OSBPL10: variants seen among roughly 807,000 people sequenced by gnomAD.
OSBPL10 encodes the protein oxysterol-binding protein-related protein 10.
A neutral mutation model predicts 81.7 loss-of-function variants in OSBPL10; 49 were observed. That is an observed-to-expected ratio of 0.60 (90% CI 0.48 to 0.76). OSBPL10 has a LOEUF of 0.76. Among genes scored for constraint, OSBPL10 ranks in the 30% least tolerant of loss-of-function variants. The probability of loss-of-function intolerance (pLI) is 0.00; values close to 1 mark genes in which losing one functional copy is unlikely to be tolerated. For missense variants in OSBPL10, 923 were observed against 987.8 expected (o/e 0.93, Z 0.88); for synonymous variants, 419 against 383.6 (o/e 1.09, Z -1.08).
At chr3:31,709,719 C>A (rs1696192760) in intron 6 of OSBPL10, among the ~76,000 whole-genome samples, 1 of 152,184 alleles carries the variant, frequency 6.6e-6, no homozygotes, top group African/African-American at 2.4e-5. Flanking sequence ...TGAATACCAA[C>A]TGCCAGCGTG....
intron 4 of OSBPL10, among the ~76,000 whole-genome samples, chr3:31,781,450 A>G (rs982898965): frequency 2.6e-5 from 4 of 152,186 alleles, no homozygotes; most frequent in Non-Finnish European, 4.4e-5. Flanking sequence ...ACAGTACTGG[A>G]AGTCCTAGCC....
intron 4 of OSBPL10, among the ~76,000 whole-genome samples, chr3:31,792,718 A>C (rs1699050628): frequency 1.4e-5 from 2 of 138,622 alleles, no homozygotes; most frequent in Middle Eastern, 8.0e-3. Flanking sequence ...TGTGTTTTAC[A>C]CTCTCAGCTA....
intron 1 of OSBPL10, among the ~76,000 whole-genome samples, chr3:31,967,929 T>C (rs1361331789): frequency 3.3e-5 from 5 of 152,224 alleles, no homozygotes; most frequent in African/African-American, 4.8e-5. Context: ...CTCTATTCGG[T>C]GATTAAGTAT....
intron 4 of OSBPL10, among the ~76,000 whole-genome samples, chr3:31,765,020 TTTC>T (rs1698153813): frequency 1.3e-5 from 2 of 152,054 alleles, no homozygotes; most frequent in South Asian, 4.1e-4. Flanking sequence ...AACTACTTTT[TTTC>T]TTTTTTTTTC....
chr3:31,728,808 T>C (rs1462479630), intron 6 of OSBPL10, among the ~76,000 whole-genome samples: 1 of 152,178 alleles, frequency 6.6e-6, no homozygotes, highest in Non-Finnish European at 1.5e-5. Flanking sequence ...ACAGGTTGAG[T>C]ATCCCTCACC....
intron 3 of OSBPL10, among the ~76,000 whole-genome samples, chr3:31,853,204 T>C (rs185558765): frequency 8.5e-5 from 13 of 152,284 alleles, no homozygotes; most frequent in Non-Finnish European, 1.3e-4. Context: ...CAGCAACCTT[T>C]TCTAGTTCCT....
intron 4 of OSBPL10, among the ~76,000 whole-genome samples, chr3:31,776,776 G>A (rs1223299339): frequency 6.6e-6 from 1 of 152,132 alleles, no homozygotes; most frequent in Non-Finnish European, 1.5e-5. Context: ...GTTGCCCAGG[G>A]CTGGGGGGAG....
chr3:31,708,635 G>A (rs1369623917), intron 6 of OSBPL10: 5 of 824,254 alleles, frequency 6.1e-6, no homozygotes, highest in Non-Finnish European at 7.3e-6. Context: ...TACATGCTTG[G>A]AAAAAGTATC....
At chr3:31,749,139 CCTA>C (rs1697631875) in intron 4 of OSBPL10, among the ~76,000 whole-genome samples, 2 of 152,180 alleles carry the variant, frequency 1.3e-5, no homozygotes, top group Admixed American at 6.5e-5. Context: ...AGTAACATCT[CCTA>C]CTTTGTCACT....
At chr3:32,021,375 G>T (rs1396312159) in intron 2 of OSBPL10, among the ~76,000 whole-genome samples, 1 of 152,152 alleles carries the variant, frequency 6.6e-6, no homozygotes, top group African/African-American at 2.4e-5. Context: ...TATATTCCTA[G>T]AACTGGAATT....
intron 1 of OSBPL10, among the ~76,000 whole-genome samples, chr3:31,889,087 A>G (rs544465379): frequency 2.6e-4 from 40 of 152,342 alleles, no homozygotes; most frequent in African/African-American, 9.6e-4. Flanking sequence ...ATGCAAATCA[A>G]AATCACAATG....
intron 4 of OSBPL10, among the ~76,000 whole-genome samples, chr3:31,773,078 A>T (rs1366283139): frequency 6.6e-6 from 1 of 152,130 alleles, no homozygotes; most frequent in Admixed American, 6.5e-5. Flanking sequence ...AAATAAATAA[A>T]TAAAAAGTCA....
At chr3:31,843,478 G>A (rs185674319) in intron 3 of OSBPL10, among the ~76,000 whole-genome samples, 4 of 152,206 alleles carry the variant, frequency 2.6e-5, no homozygotes, top group African/African-American at 4.8e-5. Flanking sequence ...CTACTCTTCC[G>A]GGATGACATT....
chr3:31,845,130 AT>A (rs34735182), intron 3 of OSBPL10, among the ~76,000 whole-genome samples: 61,132 of 151,466 alleles, frequency 0.4, 13,018 homozygotes, highest in Admixed American at 0.54. Context: ...TTTCATATCA[AT>A]TTTTTTTTAA....
At chr3:31,994,491 AGGATGGATGGATGGATGGATGGATGGAT>A (rs200832488) in intron 2 of OSBPL10, among the ~76,000 whole-genome samples, 2 of 149,648 alleles carry the variant, frequency 1.3e-5, no homozygotes, top group Admixed American at 1.3e-4. Context: ...AGGGAAAAAA[AGGATGGATGGATGGATGGATGGATGGAT>A]GGATGGATGG....
At chr3:31,846,482 C>T (rs987588981) in intron 3 of OSBPL10, among the ~76,000 whole-genome samples, 6 of 151,874 alleles carry the variant, frequency 4.0e-5, no homozygotes, top group African/African-American at 9.7e-5. Context: ...AAAAATTAGC[C>T]GGGCCTGGTG....
chr3:31,716,564 G>C (rs1696444137), intron 6 of OSBPL10, among the ~76,000 whole-genome samples: 1 of 152,186 alleles, frequency 6.6e-6, no homozygotes, highest in Admixed American at 6.5e-5. Flanking sequence ...AGGTGTGATA[G>C]GGGCCTGGCT....
At chr3:31,794,009 G>A (rs1271228014) in intron 4 of OSBPL10, among the ~76,000 whole-genome samples, 3 of 152,232 alleles carry the variant, frequency 2.0e-5, no homozygotes, top group South Asian at 2.1e-4. Context: ...TTTGTGGTTT[G>A]AGAGGCCCCA....
intron 1 of OSBPL10, chr3:32,046,681 C>T (rs1338632564): frequency 6.6e-6 from 1 of 152,222 alleles, no homozygotes; most frequent in Admixed American, 6.5e-5. Context: ...AGCCAACCAA[C>T]CACCAATTCA....
Sources: gnomAD v4.1 joint callset for allele counts (sites outside exome capture counted in the v4.1 genomes callset) on GRCh38, gnomAD v4.1.1 for gene constraint, MANE v1.5 for transcripts, NCBI Gene and HGNC (gene_info 2026-07-23, HGNC 2026-07-21) for gene names.